Variants in NEMP2 observed in about 807,000 individuals in gnomAD.
NEMP2 encodes the protein nuclear envelope integral membrane protein 2.
A neutral mutation model predicts 54.2 loss-of-function variants in NEMP2; 53 were observed. The observed-to-expected ratio is 0.98, with a 90% CI of 0.78 to 1.23. NEMP2 has a LOEUF of 1.23. Ranked by LOEUF, NEMP2 falls within the 50% of genes most tolerant of loss-of-function variation. NEMP2 has a pLI of 0.00. For synonymous variants in NEMP2, 197 were observed against 190.3 expected, an observed-to-expected ratio of 1.04 and a Z score of -0.29; for missense variants, 455 against 511.3, an observed-to-expected ratio of 0.89 and a Z score of 1.06.
At chr2:190,600,688 C>T in the NEMP2 span, among the ~76,000 whole-genome samples, 1 of 152,270 alleles carries the variant, frequency 6.6e-6, no homozygotes, top group Admixed American at 6.5e-5. The surrounding 1 kb of genome is among the most constrained non-coding windows in gnomAD (Gnocchi z 4.9). Flanking sequence ...CACCTTTTGC[C>T]ATGAGTTGAA....
the NEMP2 span, among the ~76,000 whole-genome samples, chr2:190,587,923 C>T: frequency 6.6e-6 from 1 of 151,700 alleles, no homozygotes; most frequent in Admixed American, 6.6e-5. This position sits in a 1 kb window ranked among gnomAD's most constrained non-coding sequence, Gnocchi z 5.4. Context: ...TCCTCTCTTT[C>T]AGACAAGTTA....
the NEMP2 span, among the ~76,000 whole-genome samples, chr2:190,603,215 G>A: frequency 6.6e-6 from 1 of 151,976 alleles, no homozygotes; most frequent in South Asian, 2.1e-4. Context: ...AAGTGGGGAT[G>A]GAAGCAATGA....
intron 6 of NEMP2, among the ~76,000 whole-genome samples, chr2:190,515,192 C>T (rs1001746343): frequency 6.6e-6 from 1 of 152,152 alleles, no homozygotes; most frequent in Non-Finnish European, 1.5e-5. Context: ...GGTATTCTAT[C>T]TTAAGTGTTT....
At position 190,508,951 on chromosome 2, in the gene NEMP2, G is replaced by T; in HGVS notation, c.*238C>A. The T allele has an allele frequency of 2.0e-6, 1 of 512,548 alleles. No individual in the cohort carries two copies. Among genetic ancestry groups the T allele is most frequent in the Admixed American group, 3.4e-5 (1 of 29,144 alleles). 31.8% of individuals were successfully genotyped at this position (512,548 alleles called of 1,614,324 possible). ...TAATGAAAGCCTTCATTCAAGGTAA[G>T]TGGTAGTGGCTGTCACAGAATTTTG... On this transcript the variant is annotated 3_prime_UTR_variant, in exon 9 of 9. Transcript: ENST00000409150. This position sits in a 1 kb window ranked among gnomAD's most constrained non-coding sequence, Gnocchi z 4.3.
Position 190,521,215 on chromosome 2 carries a change from C to T in NEMP2, c.214-2032G>A, listed in dbSNP as rs556241909. On this transcript the variant is annotated intron_variant, in intron 2 of 8. Coordinates refer to ENST00000409150, the MANE Select transcript of NEMP2 (RefSeq NM_001142645.2). The surrounding 1 kb of genome is among the most constrained non-coding windows in gnomAD (Gnocchi z 6.2). ...CTTCCTCAATACTCAACACCTTCTC[C>T]CCATCCTCTTCTCCACTGTTGATCC... Among the ~76,000 whole-genome samples, 4 of 152,262 alleles carry T rather than the reference C, an allele frequency of 2.6e-5. No homozygotes were observed. Among genetic ancestry groups the T allele is most frequent in the African/African-American group, 9.6e-5 (4 of 41,550 alleles).
the NEMP2 span, among the ~76,000 whole-genome samples, chr2:190,580,981 C>T: frequency 6.6e-6 from 1 of 152,182 alleles, no homozygotes; most frequent in Non-Finnish European, 1.5e-5. This position sits in a 1 kb window ranked among gnomAD's most constrained non-coding sequence, Gnocchi z 5.3. Flanking sequence ...GGATTCCACC[C>T]TGTTTCTCTT....
At chr2:190,448,197 G>A in the NEMP2 span, among the ~76,000 whole-genome samples, 6 of 152,238 alleles carry the variant, frequency 3.9e-5, no homozygotes, top group African/African-American at 1.2e-4. Context: ...GAGTAAAGAT[G>A]GTTCCTGCAA....
chr2:190,590,599 G>C, the NEMP2 span, among the ~76,000 whole-genome samples: 1 of 152,110 alleles, frequency 6.6e-6, no homozygotes, highest in Non-Finnish European at 1.5e-5. The surrounding 1 kb of genome is among the most constrained non-coding windows in gnomAD (Gnocchi z 5.1). Context: ...GTCTTACTGG[G>C]AAGGGATCAT....
chr2:190,629,141 T>G, the NEMP2 span, among the ~76,000 whole-genome samples: 1 of 152,232 alleles, frequency 6.6e-6, no homozygotes, highest in Non-Finnish European at 1.5e-5. Flanking sequence ...CAGATTTATC[T>G]TGCAGCTGCT....
At chr2:190,602,887 G>A in the NEMP2 span, among the ~76,000 whole-genome samples, 196 of 152,272 alleles carry the variant, frequency 1.3e-3, no homozygotes, top group Non-Finnish European at 2.2e-3. Context: ...GGAAGGAAGA[G>A]GGAGCAAGGA....
At chr2:190,542,949 C>T in the NEMP2 span, among the ~76,000 whole-genome samples, 1 of 152,198 alleles carries the variant, frequency 6.6e-6, no homozygotes, top group East Asian at 1.9e-4. This position sits in a 1 kb window ranked among gnomAD's most constrained non-coding sequence, Gnocchi z 4.6. Flanking sequence ...TCTTGTGAAT[C>T]TATATCTATG....
chr2:190,459,806 A>G, the NEMP2 span, among the ~76,000 whole-genome samples: 1 of 152,232 alleles, frequency 6.6e-6, no homozygotes, highest in Admixed American at 6.5e-5. This position sits in a 1 kb window ranked among gnomAD's most constrained non-coding sequence, Gnocchi z 5.3. Context: ...AGAGACTCAG[A>G]CCCAAATTAC....
upstream of NEMP2, among the ~76,000 whole-genome samples, chr2:190,536,877 C>T (rs1373761423): frequency 6.6e-6 from 1 of 152,234 alleles, no homozygotes; most frequent in Non-Finnish European, 1.5e-5. Context: ...ATTGACTCAA[C>T]TACCCACATT....
At position 190,506,967 on chromosome 2, in the gene NEMP2, A is replaced by C. The variant is rs1028405885; in HGVS notation, c.*2222T>G. 19 of 152,202 alleles carry C rather than the reference A, an allele frequency of 1.2e-4. No individual in the cohort carries two copies. The highest frequency in any genetic ancestry group is 4.6e-4 in the African/African-American group (19 of 41,432). 9.4% of individuals were successfully genotyped at this position (152,202 alleles called of 1,614,324 possible). ...CTTTAAAAAGGGAGGAGGAGAGGAG[A>C]CAGGAGGTGAGGGAGAAAGAGAAGG... On this transcript the variant is annotated 3_prime_UTR_variant, in exon 9 of 9. Transcript: ENST00000409150. This position sits in a 1 kb window ranked among gnomAD's most constrained non-coding sequence, Gnocchi z 6.3.
chr2:190,621,103 A>C, the NEMP2 span, among the ~76,000 whole-genome samples: 1 of 152,386 alleles, frequency 6.6e-6, no homozygotes, highest in Non-Finnish European at 1.5e-5. Flanking sequence ...AAAGAAATTA[A>C]AGAAGATCTA....
the NEMP2 span, among the ~76,000 whole-genome samples, chr2:190,563,610 C>T: frequency 4.6e-5 from 7 of 152,192 alleles, no homozygotes; most frequent in African/African-American, 1.7e-4. The surrounding 1 kb of genome is among the most constrained non-coding windows in gnomAD (Gnocchi z 4.3). Flanking sequence ...TATATGTATA[C>T]ACTTTGAGCA....
At chr2:190,497,596 G>A in the NEMP2 span, 1 of 1,614,150 alleles carries the variant, frequency 6.2e-7, no homozygotes, top group Non-Finnish European at 8.5e-7. The surrounding 1 kb of genome is among the most constrained non-coding windows in gnomAD (Gnocchi z 5.2). Context: ...AGGAAGATGT[G>A]AACAAACCAG....
At chr2:190,633,012 T>G in the NEMP2 span, among the ~76,000 whole-genome samples, 1 of 152,162 alleles carries the variant, frequency 6.6e-6, no homozygotes, top group African/African-American at 2.4e-5. Context: ...ACTCCATTCT[T>G]TACTTCTTTG....
the NEMP2 span, among the ~76,000 whole-genome samples, chr2:190,480,581 C>G: frequency 6.6e-6 from 1 of 152,216 alleles, no homozygotes; most frequent in Non-Finnish European, 1.5e-5. Flanking sequence ...CTTATACCCT[C>G]ACCTCACTCT....
Sources: gnomAD v4.1 joint callset for allele counts (sites outside exome capture counted in the v4.1 genomes callset) on GRCh38, gnomAD v4.1.1 for gene constraint, Gnocchi (gnomAD v3.1) non-coding constraint, MANE v1.5 for transcripts, NCBI Gene and HGNC (gene_info 2026-07-23, HGNC 2026-07-21) for gene names.